Variants in PDZRN3 observed in about 807,000 individuals in gnomAD.
PDZRN3 encodes E3 ubiquitin-protein ligase PDZRN3.
PDZRN3 carries 38 observed loss-of-function variants against 85.7 expected under a neutral mutation model. The observed-to-expected ratio is 0.44, with a 90% CI of 0.34 to 0.58. The LOEUF (loss-of-function observed/expected upper bound fraction) is 0.58. Ranked by LOEUF, PDZRN3 falls within the 20% of genes least tolerant of loss-of-function variation. PDZRN3 has a pLI of 0.01. For missense variants in PDZRN3, 1,629 were observed against 1,506.4 expected, an observed-to-expected ratio of 1.08 and a Z score of -1.35; for synonymous variants, 759 against 638.0, an observed-to-expected ratio of 1.19 and a Z score of -2.86.
chr3:73,458,595 A>G (rs1575667673), intron 3 of PDZRN3, among the ~76,000 whole-genome samples: 1 of 149,446 alleles, frequency 6.7e-6, no homozygotes, highest in African/African-American at 2.5e-5. Flanking sequence ...ATGATCTCTT[A>G]GATCTCAAAG....
rs577913132 is a variant in PDZRN3, at chr3:73,421,750, C to A, written c.919-17355G>T. ...GCAACCTCCGCCTCCCAGGTTCAAG[C>A]GATTCTCCTGCCTCAGCCTCCCAAG... is the stretch of plus-strand genomic sequence containing the variant. On this transcript the variant is annotated intron_variant, in intron 3 of 9. Transcript: ENST00000263666. 2.0e-5 allele frequency among the ~76,000 whole-genome samples: 3 copies of A among 152,302 alleles called. No individual in the cohort carries two copies. In the South Asian group the frequency reaches 6.2e-4, roughly 32 times the overall value.
intron 3 of PDZRN3, among the ~76,000 whole-genome samples, chr3:73,593,481 C>T (rs1227765918): frequency 1.3e-5 from 2 of 152,126 alleles, no homozygotes; most frequent in Non-Finnish European, 2.9e-5. Context: ...GGGAGAGACA[C>T]TCTGCCAAAG....
intron 3 of PDZRN3, among the ~76,000 whole-genome samples, chr3:73,487,576 T>C (rs981879008): frequency 4.6e-5 from 7 of 152,206 alleles, no homozygotes; most frequent in Non-Finnish European, 1.0e-4. Context: ...GTTTCGAAGC[T>C]CTGTTCTCCT....
intron 2 of PDZRN3, among the ~76,000 whole-genome samples, chr3:73,602,864 G>A (rs1702535378): frequency 1.3e-5 from 2 of 152,194 alleles, no homozygotes. Context: ...AAATCATGAA[G>A]ATCTTCTGCT....
At chr3:73,579,668 T>G (rs1464322175) in intron 3 of PDZRN3, among the ~76,000 whole-genome samples, 2 of 152,152 alleles carry the variant, frequency 1.3e-5, no homozygotes. Flanking sequence ...CACTGCAAGT[T>G]GCCCCTGTGT....
chr3:73,518,781 C>T (rs1704299047), intron 3 of PDZRN3, among the ~76,000 whole-genome samples: 1 of 152,072 alleles, frequency 6.6e-6, no homozygotes, highest in Non-Finnish European at 1.5e-5. Context: ...TCTGGGGCCT[C>T]CTTTATAATC....
chr3:73,467,577 C>T (rs1442434481), intron 3 of PDZRN3, among the ~76,000 whole-genome samples: 1 of 152,158 alleles, frequency 6.6e-6, no homozygotes, highest in African/African-American at 2.4e-5. Context: ...AAATGTCTTA[C>T]CATCTTCCAG....
chr3:73,384,516 C>G lies in PDZRN3; in HGVS notation c.2050G>C (p.Glu684Gln). ...AGCTCTTCGTTCAGCAGCTCCAGCT[C>G]CTTGTCCACGCTCTCAGGGTCACTC... is the stretch of plus-strand genomic sequence containing the variant. ...GKSDPESVDK[E>Q]LELLNEELRS... The change falls in exon 10 of 10, where the codon GAG becomes CAG. Residue 684 changes from glutamate to glutamine, a missense_variant. Glu to Gln is a conservative substitution (Grantham distance 29). Transcript: ENST00000263666. The G allele has an allele frequency of 6.2e-7, 1 of 1,613,768 alleles. No homozygotes were observed. Among genetic ancestry groups the G allele is most frequent in the Non-Finnish European group, 8.5e-7 (1 of 1,180,038 alleles).
intron 5 of PDZRN3, among the ~76,000 whole-genome samples, chr3:73,396,733 C>A (rs768132733): frequency 5.9e-5 from 9 of 152,152 alleles, no homozygotes; most frequent in Non-Finnish European, 1.2e-4. Flanking sequence ...AGTTTCGCAG[C>A]CTACATAGGA....
intron 1 of PDZRN3, among the ~76,000 whole-genome samples, chr3:73,619,665 C>G (rs569649016): frequency 2.6e-5 from 4 of 152,148 alleles, no homozygotes; most frequent in African/African-American, 4.8e-5. Flanking sequence ...GCACATGCAT[C>G]GACTCTCAGA....
intron 3 of PDZRN3, among the ~76,000 whole-genome samples, chr3:73,596,374 T>A (rs1236745337): frequency 1.3e-5 from 2 of 152,198 alleles, no homozygotes; most frequent in Non-Finnish European, 2.9e-5. Context: ...AGTCAATGGA[T>A]GATAAAACCA....
chr3:73,582,112 A>G (rs1702211348), intron 3 of PDZRN3, among the ~76,000 whole-genome samples: 1 of 152,178 alleles, frequency 6.6e-6, no homozygotes, highest in South Asian at 2.1e-4. Flanking sequence ...AAAAGAAAAG[A>G]AAAACCGACA....
intron 3 of PDZRN3, among the ~76,000 whole-genome samples, chr3:73,536,653 A>G (rs1271670635): frequency 1.3e-5 from 2 of 152,228 alleles, no homozygotes; most frequent in Admixed American, 6.5e-5. Context: ...TTAGAGACTG[A>G]AAGGAAGGCC....
At chr3:73,433,885 G>A (rs899947005) in intron 3 of PDZRN3, 7 of 1,430,376 alleles carry the variant, frequency 4.9e-6, no homozygotes, top group Admixed American at 5.7e-5. Context: ...CCCCTTCCAC[G>A]CTTCCCTTCC....
In PDZRN3 at chr3:73,422,467, A is replaced by G. The variant is rs899601238; in HGVS notation, c.919-18072T>C. On this transcript the variant is annotated intron_variant, in intron 3 of 9. Transcript: ENST00000263666. ...GCCTGTGCAGGATAAGTAACACTCA[A>G]AAGCTATTTATCTTTGTTCTTATGA... Among the ~76,000 whole-genome samples the G allele has an allele frequency of 3.3e-5, 5 of 152,334 alleles. No homozygotes were observed. The South Asian group carries it at 1.0e-3, about 32-fold the overall frequency.
intron 3 of PDZRN3, among the ~76,000 whole-genome samples, chr3:73,541,265 C>T (rs915242415): frequency 1.3e-5 from 2 of 152,138 alleles, no homozygotes; most frequent in African/African-American, 4.8e-5. Context: ...AACATGTTCA[C>T]TGTAGAAAGT....
intron 3 of PDZRN3, among the ~76,000 whole-genome samples, chr3:73,460,193 G>A (rs987819432): frequency 6.6e-6 from 1 of 152,118 alleles, no homozygotes; most frequent in Admixed American, 6.6e-5. Context: ...TGTTGATTTT[G>A]AGAACTATTA....
At chr3:73,457,606 G>A (rs144252744) in intron 3 of PDZRN3, among the ~76,000 whole-genome samples, 2 of 152,158 alleles carry the variant, frequency 1.3e-5, no homozygotes, top group African/African-American at 4.8e-5. Context: ...TCATCATTTT[G>A]CAAGCCCAGT....
intron 5 of PDZRN3, among the ~76,000 whole-genome samples, chr3:73,396,822 A>C (rs1333164612): frequency 1.3e-5 from 2 of 152,170 alleles, no homozygotes; most frequent in Non-Finnish European, 2.9e-5. Context: ...TTTCTTTCTT[A>C]ATTGCCTACA....
Sources: gnomAD v4.1 joint callset for allele counts (sites outside exome capture counted in the v4.1 genomes callset) on GRCh38, gnomAD v4.1.1 for gene constraint, MANE v1.5 for transcripts, NCBI Gene and HGNC (gene_info 2026-07-23, HGNC 2026-07-21) for gene names.